RIMS2: variants seen among roughly 807,000 people sequenced by gnomAD.
The protein encoded by RIMS2 is regulating synaptic membrane exocytosis protein 2.
Under a neutral mutation model 174.4 loss-of-function variants are expected in RIMS2, and 59 were observed. That is an observed-to-expected ratio of 0.34 (90% CI 0.27 to 0.42). The LOEUF is 0.42. RIMS2 is among the 10% of genes least tolerant of loss of function. The pLI, the probability that RIMS2 is intolerant of heterozygous loss-of-function variation, is 1.00. For synonymous variants in RIMS2, 606 were observed against 572.5 expected (o/e 1.06, Z -0.84); for missense variants, 1,620 against 1,666.3 (o/e 0.97, Z 0.48).
At chr8:103,843,814 A>G (rs1007914195) in intron 3 of RIMS2, among the ~76,000 whole-genome samples, 1 of 152,154 alleles carries the variant, frequency 6.6e-6, no homozygotes, top group African/African-American at 2.4e-5. Context: ...ATAAAAATTT[A>G]TGATTGTTGT....
chr8:103,652,227 C>G, intron 1 of RIMS2: 1 of 1,348,556 alleles, frequency 7.4e-7, no homozygotes, highest in Non-Finnish European at 9.8e-7. Flanking sequence ...ACACAAACCA[C>G]AACTGACACA....
intron 3 of RIMS2, among the ~76,000 whole-genome samples, chr8:103,767,723 C>T (rs1046090174): frequency 6.6e-5 from 10 of 152,146 alleles, no homozygotes; most frequent in African/African-American, 1.9e-4. Flanking sequence ...CACTCCAATA[C>T]ATTGCTGGAT....
chr8:104,095,865 C>G (rs1765129270), intron 19 of RIMS2, among the ~76,000 whole-genome samples: 1 of 151,978 alleles, frequency 6.6e-6, no homozygotes, highest in East Asian at 1.9e-4. Flanking sequence ...AGAACTCTAC[C>G]CATTGAGTAT....
At chr8:103,827,628 A>G (rs1276444684) in intron 3 of RIMS2, among the ~76,000 whole-genome samples, 1 of 152,190 alleles carries the variant, frequency 6.6e-6, no homozygotes, top group Admixed American at 6.5e-5. Context: ...CGAGGTCAGG[A>G]GTTTGAGTCC....
chr8:104,086,199 G>GA (rs564052985), intron 19 of RIMS2, among the ~76,000 whole-genome samples: 226 of 143,716 alleles, frequency 1.6e-3, no homozygotes, highest in Middle Eastern at 7.5e-3. Flanking sequence ...GGAGGGGAAA[G>GA]AAAAAACCTA....
At chr8:103,866,882 T>C in intron 3 of RIMS2, among the ~76,000 whole-genome samples, 1 of 151,996 alleles carries the variant, frequency 6.6e-6, no homozygotes, top group East Asian at 1.9e-4. Context: ...ATTTTTTGCA[T>C]TTTCAGGTGT....
At chr8:103,687,769 T>G (rs1185979325) in intron 1 of RIMS2, among the ~76,000 whole-genome samples, 5 of 152,170 alleles carry the variant, frequency 3.3e-5, no homozygotes, top group Non-Finnish European at 7.4e-5. Context: ...GTATTTGTCT[T>G]TCTGTGCCTG....
chr8:103,968,807 T>C (rs187110080), intron 15 of RIMS2, among the ~76,000 whole-genome samples: 1 of 152,258 alleles, frequency 6.6e-6, no homozygotes, highest in Admixed American at 6.5e-5. Flanking sequence ...CAATGCTCTT[T>C]CTTTCTATAT....
At chr8:103,609,909 A>G (rs2095307848) in intron 1 of RIMS2, among the ~76,000 whole-genome samples, 1 of 152,114 alleles carries the variant, frequency 6.6e-6, no homozygotes, top group African/African-American at 2.4e-5. Context: ...TGAATCTGTA[A>G]ATTGCTTTGG....
chr8:103,609,757 G>A (rs1222819283), intron 1 of RIMS2, among the ~76,000 whole-genome samples: 1 of 152,168 alleles, frequency 6.6e-6, no homozygotes, highest in Non-Finnish European at 1.5e-5. Context: ...TTGAAGTTGG[G>A]TAATGTGTTG....
At chr8:103,680,649 C>T (rs13259857) in intron 1 of RIMS2, among the ~76,000 whole-genome samples, 26,716 of 151,748 alleles carry the variant, frequency 0.18, 2,557 homozygotes, top group African/African-American at 0.23. Context: ...ATATAGTATA[C>T]GCCTGCATAT....
In RIMS2 at chr8:104,192,284, G is replaced by C. The variant is rs188267869; in HGVS notation, c.3335-52632G>C. On this transcript the variant is annotated intron_variant, in intron 19 of 23. Coordinates refer to ENST00000504942, the Ensembl canonical transcript of RIMS2. ...AAATGCATGCTTTGTGAAACTGATA[G>C]GTAGAGTGCTAGTCTGAATTATTTT... Among the ~76,000 whole-genome samples the C allele has an allele frequency of 6.1e-4, 93 of 152,084 alleles. 1 individual carries two copies. The highest frequency in any genetic ancestry group is 2.0e-3 in the African/African-American group (84 of 41,510).
intron 14 of RIMS2, among the ~76,000 whole-genome samples, chr8:103,954,997 T>C (rs569123383): frequency 6.6e-6 from 1 of 152,278 alleles, no homozygotes; most frequent in African/African-American, 2.4e-5. Context: ...CTAGAAAATC[T>C]AGAATAAATG....
intron 1 of RIMS2, among the ~76,000 whole-genome samples, chr8:103,656,002 C>A (rs184599381): frequency 6.6e-6 from 1 of 152,128 alleles, no homozygotes; most frequent in East Asian, 1.9e-4. Flanking sequence ...ATGGAAGAGG[C>A]CTTTTTTGAG....
chr8:104,171,139 A>G (rs1277277159), intron 19 of RIMS2, among the ~76,000 whole-genome samples: 4 of 152,046 alleles, frequency 2.6e-5, no homozygotes, highest in Non-Finnish European at 4.4e-5. Flanking sequence ...TTTGCAATGA[A>G]TTTTCCCAGA....
At chr8:104,063,641 TG>T (rs1233917434) in intron 19 of RIMS2, among the ~76,000 whole-genome samples, 1 of 152,196 alleles carries the variant, frequency 6.6e-6, no homozygotes, top group Non-Finnish European at 1.5e-5. Flanking sequence ...TCCTGAAGTT[TG>T]GGGTTCTTTC....
chr8:104,055,960 T>G (rs994305075), intron 19 of RIMS2, among the ~76,000 whole-genome samples: 9 of 152,204 alleles, frequency 5.9e-5, no homozygotes, highest in Admixed American at 2.0e-4. Context: ...CTTCTCTGCC[T>G]CTGCACACAT....
intron 4 of RIMS2, among the ~76,000 whole-genome samples, chr8:103,896,599 T>C (rs1467630291): frequency 6.6e-6 from 1 of 151,580 alleles, no homozygotes; most frequent in Non-Finnish European, 1.5e-5. Flanking sequence ...TTTTGCATGA[T>C]TTTGTGAGTT....
Position 103,942,945 on chromosome 8 carries a change from C to G in RIMS2, c.2701+19C>G. On this transcript the variant is annotated intron_variant, in intron 14 of 23. Transcript: ENST00000504942. The stretch of plus-strand genomic sequence containing the variant: ...TTGCAAAGTAAGTTTTACTAAAATT[C>G]TTTCATATTTTTATTGTATTTTCCT... 1 of 1,584,188 alleles carries G rather than the reference C, an allele frequency of 6.3e-7. No individual in the cohort carries two copies. The highest frequency in any genetic ancestry group is 8.6e-7 in the Non-Finnish European group (1 of 1,161,782).
Sources: gnomAD v4.1 joint callset for allele counts (sites outside exome capture counted in the v4.1 genomes callset) on GRCh38, gnomAD v4.1.1 for gene constraint, MANE v1.5 for transcripts, NCBI Gene and HGNC (gene_info 2026-07-23, HGNC 2026-07-21) for gene names.